GABBR2: variants seen among roughly 807,000 people sequenced by gnomAD.
The protein encoded by GABBR2 is G-protein coupled receptor 51.
In GABBR2, 23 loss-of-function variants were observed where a neutral mutation model predicts 105.6. The observed-to-expected ratio is 0.22, with a 90% CI of 0.16 to 0.31. GABBR2 has a LOEUF of 0.31. Among genes scored for constraint, GABBR2 ranks in the 10% least tolerant of loss-of-function variants. GABBR2 has a pLI of 1.00. For synonymous variants in GABBR2, 478 were observed against 499.7 expected (o/e 0.96, Z 0.58); for missense variants, 734 against 1,245.5 (o/e 0.59, Z 6.18).
intron 7 of GABBR2, among the ~76,000 whole-genome samples, chr9:98,437,151 A>G (rs1825941502): frequency 6.6e-6 from 1 of 152,184 alleles, no homozygotes; most frequent in Admixed American, 6.5e-5. Context: ...AGAGGTCAGG[A>G]CCTGTACAGA....
intron 1 of GABBR2, among the ~76,000 whole-genome samples, chr9:98,675,985 C>G (rs369784360): frequency 6.6e-6 from 1 of 152,272 alleles, no homozygotes; most frequent in Admixed American, 6.5e-5. Context: ...GCACACCCCC[C>G]CAAATATATC....
chr9:98,510,052 T>C (rs915312568), intron 3 of GABBR2, among the ~76,000 whole-genome samples: 48 of 152,228 alleles, frequency 3.2e-4, no homozygotes, highest in Admixed American at 2.8e-3. Context: ...GGGAAGTCCA[T>C]CAGACTAACA....
In GABBR2 at chr9:98,318,413, G is replaced by A. The variant is rs79170933; in HGVS notation, c.1894-7208C>T. The stretch of plus-strand genomic sequence containing the variant: ...CTCTGACACAGAGTGATGACTTAGC[G>A]CAAGGCCAGACTTGACAGGGCTCCT... On this transcript the variant is annotated intron_variant, in intron 13 of 18. Coordinates refer to ENST00000259455, the MANE Select transcript of GABBR2 (RefSeq NM_005458.8). 6.2e-3 allele frequency among the ~76,000 whole-genome samples: 946 copies of A among 152,294 alleles called. 14 individuals are homozygous for A. Among genetic ancestry groups the A allele is most frequent in the African/African-American group, 0.022 (914 of 41,562 alleles).
In GABBR2 at chr9:98,497,229, C is replaced by T. The variant is rs1003950533; in HGVS notation, c.631-715G>A. 7.9e-5 allele frequency among the ~76,000 whole-genome samples: 12 copies of T among 152,256 alleles called. 1 individual carries two copies. Among genetic ancestry groups the T allele is most frequent in the East Asian group, 7.7e-4 (4 of 5,174 alleles). Reference sequence around the variant, plus strand: ...CTGCAGTGAGCCGTGATCACGCCACCGTACTCCAGCCTGGGTGACAGAACA... The same window carrying T: ...CTGCAGTGAGCCGTGATCACGCCACTGTACTCCAGCCTGGGTGACAGAACA... On this transcript the variant is annotated intron_variant, in intron 3 of 18. Transcript: ENST00000259455.
At chr9:98,405,272 A>G (rs568305418) in intron 8 of GABBR2, among the ~76,000 whole-genome samples, 1 of 152,286 alleles carries the variant, frequency 6.6e-6, no homozygotes, top group Non-Finnish European at 1.5e-5. Flanking sequence ...AACCAAAAAC[A>G]GGTGGGTGCC....
Position 98,450,677 on chromosome 9 carries a change from G to T in GABBR2, c.1236+3304C>A, listed in dbSNP as rs191139131. On this transcript the variant is annotated intron_variant, in intron 7 of 18. Coordinates refer to ENST00000259455, the MANE Select transcript of GABBR2 (RefSeq NM_005458.8). ...TCTACACCACAAAAGCATTGAATTTGAGGATATTTAAGACAACTTTCAGTT... is the reference window on the plus strand; with the variant it reads ...TCTACACCACAAAAGCATTGAATTTTAGGATATTTAAGACAACTTTCAGTT... 1.8e-4 allele frequency among the ~76,000 whole-genome samples: 27 copies of T among 152,244 alleles called. No individual in the cohort carries two copies. In the East Asian group the frequency reaches 4.3e-3, roughly 24 times the overall value.
At chr9:98,570,538 T>C (rs1336361745) in intron 2 of GABBR2, among the ~76,000 whole-genome samples, 1 of 152,172 alleles carries the variant, frequency 6.6e-6, no homozygotes, top group African/African-American at 2.4e-5. Context: ...TGCTAGCATC[T>C]CTTGGACCTT....
chr9:98,689,014 G>A (rs1396667682), intron 1 of GABBR2, among the ~76,000 whole-genome samples: 1 of 152,226 alleles, frequency 6.6e-6, no homozygotes, highest in African/African-American at 2.4e-5. Flanking sequence ...ACTTCTGGAG[G>A]AGGTCACCAC....
intron 2 of GABBR2, among the ~76,000 whole-genome samples, chr9:98,577,500 A>G (rs1026924177): frequency 6.6e-6 from 1 of 152,224 alleles, no homozygotes; most frequent in Admixed American, 6.5e-5. Flanking sequence ...CTTGGCAGAG[A>G]ATTGATGAGG....
At chr9:98,587,683 A>T (rs1829096523) in intron 1 of GABBR2, among the ~76,000 whole-genome samples, 1 of 152,200 alleles carries the variant, frequency 6.6e-6, no homozygotes, top group Admixed American at 6.5e-5. Context: ...TCTTCCATAG[A>T]AGGGCTTTAA....
chr9:98,576,045 C>T (rs1393798533), intron 2 of GABBR2, among the ~76,000 whole-genome samples: 1 of 152,204 alleles, frequency 6.6e-6, no homozygotes, highest in Non-Finnish European at 1.5e-5. Context: ...AAGTGAGGGG[C>T]CCTCGCCCGG....
intron 1 of GABBR2, among the ~76,000 whole-genome samples, chr9:98,589,498 A>G (rs932080424): frequency 1.3e-5 from 2 of 152,222 alleles, no homozygotes; most frequent in African/African-American, 4.8e-5. Context: ...GCCTGCTGTA[A>G]GCATTTTGAA....
At chr9:98,702,361 T>C (rs337561) in intron 1 of GABBR2, among the ~76,000 whole-genome samples, 139,880 of 152,010 alleles carry the variant, frequency 0.92, 64,468 homozygotes, top group Middle Eastern at 0.97. Context: ...CACAACACCC[T>C]CTCCTGCCTC....
intron 4 of GABBR2, among the ~76,000 whole-genome samples, chr9:98,485,958 C>G (rs770966658): frequency 4.6e-5 from 7 of 152,148 alleles, no homozygotes; most frequent in Non-Finnish European, 1.0e-4. Context: ...CTCCGGCCCC[C>G]CTGCTGAAAG....
intron 13 of GABBR2, among the ~76,000 whole-genome samples, chr9:98,316,448 G>A (rs564465018): frequency 1.4e-4 from 22 of 152,260 alleles, no homozygotes; most frequent in African/African-American, 4.8e-4. Flanking sequence ...CGCTGCACCC[G>A]GCCACTTTTG....
chr9:98,417,131 C>T (rs989539840), intron 7 of GABBR2, among the ~76,000 whole-genome samples: 22 of 152,218 alleles, frequency 1.4e-4, no homozygotes, highest in African/African-American at 5.3e-4. Context: ...GGCTGGGAAG[C>T]AGCAGGATGC....
chr9:98,443,195 G>A (rs1208415114), intron 7 of GABBR2, among the ~76,000 whole-genome samples: 1 of 152,138 alleles, frequency 6.6e-6, no homozygotes, highest in Non-Finnish European at 1.5e-5. Flanking sequence ...TGACCACCAT[G>A]TCCCTGGCTC....
chr9:98,662,304 A>G (rs1830274535), intron 1 of GABBR2, among the ~76,000 whole-genome samples: 1 of 152,182 alleles, frequency 6.6e-6, no homozygotes, highest in Non-Finnish European at 1.5e-5. Flanking sequence ...GGAATGGAAG[A>G]TGGGTAGGGC....
chr9:98,619,798 T>C (rs1829642674), intron 1 of GABBR2, among the ~76,000 whole-genome samples: 1 of 152,168 alleles, frequency 6.6e-6, no homozygotes, highest in Non-Finnish European at 1.5e-5. Context: ...ATATAAAAAG[T>C]AATTTCTGTA....
Sources: allele counts gnomAD v4.1 joint callset (sites outside exome capture counted in the v4.1 genomes callset), GRCh38; gene constraint gnomAD v4.1.1; transcripts MANE v1.5; gene names NCBI Gene and HGNC (gene_info 2026-07-23, HGNC 2026-07-21).